FRAS1: variants seen among roughly 807,000 people sequenced by gnomAD.
FRAS1 encodes extracellular matrix organizing protein FRAS1.
In FRAS1, 290 loss-of-function variants were observed where a neutral mutation model predicts 435.2. The observed-to-expected ratio is 0.67, with a 90% confidence interval of 0.61 to 0.73. The LOEUF is 0.73. Among genes scored for constraint, FRAS1 ranks in the 30% least tolerant of loss-of-function variants. FRAS1 has a pLI of 0.00. For missense variants in FRAS1, 4,860 were observed against 5,001.5 expected (o/e 0.97, Z 0.85); for synonymous variants, 1,800 against 1,851.0 (o/e 0.97, Z 0.71).
intron 2 of FRAS1, among the ~76,000 whole-genome samples, chr4:78,100,674 G>A (rs1742077355): frequency 6.6e-6 from 1 of 152,162 alleles, no homozygotes; most frequent in South Asian, 2.1e-4. Context: ...TTTTGAACAA[G>A]GCACTCTGTG....
chr4:78,406,596 A>G (rs978552620), intron 30 of FRAS1, among the ~76,000 whole-genome samples: 2 of 152,222 alleles, frequency 1.3e-5, no homozygotes, highest in Non-Finnish European at 2.9e-5. Context: ...GGTCCCTTCT[A>G]CAATATGTGG....
At chr4:78,509,288 T>C (rs1720955914) in intron 63 of FRAS1, among the ~76,000 whole-genome samples, 2 of 152,218 alleles carry the variant, frequency 1.3e-5, no homozygotes, top group Admixed American at 1.3e-4. Flanking sequence ...AGTCTCCTGA[T>C]CTGCAAAGTA....
rs182139424 is a variant in FRAS1, at chr4:78,289,163, G to A, written c.1534+2624G>A. ...AGTTAAACATGGCTCTTCAACAAAAGAGTACAAGCAGGTAAACCAGAGGGA... is the reference window on the plus strand; with the variant it reads ...AGTTAAACATGGCTCTTCAACAAAAAAGTACAAGCAGGTAAACCAGAGGGA... On this transcript the variant is annotated intron_variant, in intron 14 of 73. Coordinates refer to ENST00000512123, the MANE Select transcript of FRAS1 (RefSeq NM_025074.7). Among the ~76,000 whole-genome samples, 7 of 152,270 alleles carry A rather than the reference G, an allele frequency of 4.6e-5. No individual in the cohort carries two copies. In the East Asian group the frequency reaches 1.3e-3, roughly 29 times the overall value.
chr4:78,292,004 TACTTTAA>T (rs1335632128), intron 14 of FRAS1, among the ~76,000 whole-genome samples: 24 of 152,370 alleles, frequency 1.6e-4, no homozygotes, highest in Admixed American at 1.2e-3. Flanking sequence ...CGATATTATC[TACTTTAA>T]ACCATTATTA....
At chr4:78,377,017 A>T (rs1731792637) in intron 26 of FRAS1, among the ~76,000 whole-genome samples, 1 of 152,026 alleles carries the variant, frequency 6.6e-6, no homozygotes, top group African/African-American at 2.4e-5. Context: ...ATAATAGGTA[A>T]CATGTTAAGA....
At chr4:78,301,343 A>G (rs182563424) in intron 14 of FRAS1, among the ~76,000 whole-genome samples, 10 of 152,146 alleles carry the variant, frequency 6.6e-5, no homozygotes, top group Non-Finnish European at 1.5e-4. Context: ...GTCATTCTGC[A>G]AAAGTGCTAA....
At chr4:78,539,558 G>T (rs2109910445) in intron 73 of FRAS1, 118 bp downstream of exon 73, 1 of 1,007,832 alleles carries the variant, frequency 9.9e-7, no homozygotes, top group African/African-American at 1.7e-5. Context: ...TGCCATTCTT[G>T]CTGGCAGATC....
chr4:78,491,593 A>G (rs555481322), intron 59 of FRAS1, among the ~76,000 whole-genome samples: 1 of 152,298 alleles, frequency 6.6e-6, no homozygotes, highest in East Asian at 1.9e-4. Context: ...CCTTCGACAA[A>G]CTTTAACAGC....
intron 2 of FRAS1, among the ~76,000 whole-genome samples, chr4:78,200,327 G>A (rs1722996394): frequency 6.6e-6 from 1 of 152,150 alleles, no homozygotes. Flanking sequence ...TAAGCTTCTG[G>A]GATATATGAG....
chr4:78,505,109 G>T (rs1720793477), intron 61 of FRAS1, among the ~76,000 whole-genome samples: 1 of 152,182 alleles, frequency 6.6e-6, no homozygotes, highest in Non-Finnish European at 1.5e-5. Flanking sequence ...TTAGTATGAT[G>T]GGCTTCCCTT....
chr4:78,212,996 G>A (rs1264942070), intron 2 of FRAS1, among the ~76,000 whole-genome samples: 1 of 152,166 alleles, frequency 6.6e-6, no homozygotes, highest in African/African-American at 2.4e-5. Context: ...GTGCATCTAG[G>A]CAAGGGAGCC....
At chr4:78,145,249 C>T (rs941007015) in intron 2 of FRAS1, among the ~76,000 whole-genome samples, 2 of 152,064 alleles carry the variant, frequency 1.3e-5, no homozygotes, top group East Asian at 3.9e-4. Context: ...CTTTGCAGTA[C>T]GCCTTACTCT....
chr4:78,521,120 G>C (rs1721372985), intron 67 of FRAS1, among the ~76,000 whole-genome samples: 1 of 152,128 alleles, frequency 6.6e-6, no homozygotes, highest in South Asian at 2.1e-4. Context: ...CCAGGACTTT[G>C]TTTATACCTC....
chr4:78,271,459 C>T (rs11934447), intron 9 of FRAS1, among the ~76,000 whole-genome samples: 1 of 151,496 alleles, frequency 6.6e-6, no homozygotes, highest in African/African-American at 2.4e-5. Flanking sequence ...TGCTATCCCT[C>T]CCCCCTACCC....
chr4:78,210,206 A>G (rs1010528809), intron 2 of FRAS1, among the ~76,000 whole-genome samples: 9 of 151,998 alleles, frequency 5.9e-5, no homozygotes, highest in Non-Finnish European at 1.5e-5. Flanking sequence ...TCTTTTATTT[A>G]ATCTATCTAA....
chr4:78,334,102 A>G (rs1730062190), intron 19 of FRAS1, among the ~76,000 whole-genome samples: 1 of 152,156 alleles, frequency 6.6e-6, no homozygotes, highest in Admixed American at 6.5e-5. Context: ...GGCTTTTTAA[A>G]AAAGTTTAAA....
intron 2 of FRAS1, among the ~76,000 whole-genome samples, chr4:78,156,986 C>G (rs993839972): frequency 8.5e-5 from 13 of 152,180 alleles, no homozygotes; most frequent in Admixed American, 2.0e-4. Context: ...CCTTCTAGGT[C>G]GCCTTTGCAG....
intron 2 of FRAS1, among the ~76,000 whole-genome samples, chr4:78,144,824 T>C (rs1359767333): frequency 6.6e-6 from 1 of 152,218 alleles, no homozygotes; most frequent in Admixed American, 6.5e-5. Context: ...TAGTATTTTG[T>C]TGTATGCATG....
At chr4:78,206,041 G>A (rs1723240697) in intron 2 of FRAS1, among the ~76,000 whole-genome samples, 1 of 152,144 alleles carries the variant, frequency 6.6e-6, no homozygotes, top group Non-Finnish European at 1.5e-5. Context: ...GTGACAGGGT[G>A]AGTAACGGCC....
Sources: allele counts gnomAD v4.1 joint callset (sites outside exome capture counted in the v4.1 genomes callset), GRCh38; gene constraint gnomAD v4.1.1; transcripts MANE v1.5; gene names NCBI Gene and HGNC (gene_info 2026-07-23, HGNC 2026-07-21).